The following ALDH1L1 variants were observed in gnomAD, a reference collection of about 807,000 sequenced individuals.
The protein encoded by ALDH1L1 is aldehyde dehydrogenase 1 family member L1, also known as cytosolic 10-formyltetrahydrofolate dehydrogenase.
ALDH1L1 carries 68 observed loss-of-function variants against 101.1 expected under a neutral mutation model. The ratio of observed to expected loss-of-function variants is 0.67; its 90% CI spans 0.55 to 0.82. The LOEUF (loss-of-function observed/expected upper bound fraction) is 0.82, where lower values mean the gene tolerates loss of function less well. Ranked by LOEUF, ALDH1L1 falls within the 40% of genes least tolerant of loss-of-function variation. The pLI is 0.00. For missense variants in ALDH1L1, 1,087 were observed against 1,172.7 expected (o/e 0.93, Z 1.07); for synonymous variants, 486 against 470.8 (o/e 1.03, Z -0.42).
chr3:126,150,167 T>C (rs2080779693), intron 8 of ALDH1L1, among the ~76,000 whole-genome samples: 1 of 152,176 alleles, frequency 6.6e-6, no homozygotes, highest in Non-Finnish European at 1.5e-5. Flanking sequence ...GTGTTGACAA[T>C]GAGCCCCTAG....
intron 22 of ALDH1L1, chr3:126,105,495 G>A (rs1264508031): frequency 1.8e-6 from 1 of 569,486 alleles, no homozygotes; most frequent in Non-Finnish European, 3.2e-6. Flanking sequence ...CCTGGCTGGA[G>A]TGTCTCCTCC....
chr3:126,106,029 C>T (rs773003853), intron 21 of ALDH1L1, 104 bp from the exon 22 acceptor site: 13 of 1,212,120 alleles, frequency 1.1e-5, no homozygotes, highest in Non-Finnish European at 1.5e-5. Context: ...TAAGACCTTC[C>T]GAGGAGAAAA....
rs530057896 is a variant in ALDH1L1, at chr3:126,105,829, A to G, written c.2550T>C (p.Ser850=). ...TRDINKALYV[S]DKLQAGTVFV... ...ACACAGTGCCTGCCTGGAGCTTGTC[A>G]CTGACATACAGGGCCTTGTTGATGT... is the stretch of plus-strand genomic sequence containing the variant. The change falls in exon 22 of 23, where the codon AGT becomes AGC. Residue 850 remains serine (S), a synonymous_variant. Transcript: ENST00000393434. 8.7e-6 allele frequency: 14 copies of G among 1,614,200 alleles called. No individual in the cohort carries two copies. The South Asian group carries it at 1.5e-4, about 18-fold the overall frequency.
At position 126,154,792 on chromosome 3, in the gene ALDH1L1, C is replaced by A. The variant is rs753361785; in HGVS notation, c.631-149G>T. On this transcript the variant is annotated intron_variant, in intron 5 of 22. Transcript: ENST00000393434. ...CTTGCAGGAGTCCCTGAGCTGGTGC[C>A]CCTAGTTCTGGGTGCTCTCTGACCC... The A allele has an allele frequency of 5.9e-6, 4 of 675,500 alleles. No individual in the cohort carries two copies. In the Admixed American group the frequency reaches 7.2e-5, roughly 12 times the overall value. The allele number at this position is 675,500 out of a possible 1,614,324, so 41.8% of individuals were successfully genotyped here. A position where few individuals can be genotyped will look rare whatever the true frequency, so the allele number is the denominator to read the frequency against.
chr3:126,148,089 C>A (rs537442597), intron 8 of ALDH1L1, among the ~76,000 whole-genome samples: 1 of 152,310 alleles, frequency 6.6e-6, no homozygotes, highest in East Asian at 1.9e-4. Flanking sequence ...CAGTTGTCCC[C>A]TACTGGATGG....
At chr3:126,193,458 C>T (rs1055477793) in intron 1 of ALDH1L1, among the ~76,000 whole-genome samples, 3 of 152,052 alleles carry the variant, frequency 2.0e-5, no homozygotes, top group Admixed American at 2.0e-4. Context: ...TAAAAAAATC[C>T]CCCTTTTTGC....
chr3:126,158,610 C>A lies in ALDH1L1; in HGVS notation c.157G>T (p.Val53Leu), dbSNP rs921718364. The A allele has an allele frequency of 6.2e-7, 1 of 1,613,542 alleles. No homozygotes were observed. The highest frequency in any genetic ancestry group is 8.5e-7 in the Non-Finnish European group (1 of 1,179,460). Residue 53 changes from valine to leucine, a missense_variant, in exon 3 of 23, where the codon GTA becomes TTA. Val to Leu is a conservative substitution (Grantham distance 32). Around this residue, in one of 2 missense-constraint regions of ALDH1L1, gnomAD observed 645 missense variants for 637.0 expected, o/e 1.01. Transcript: ENST00000393434. ...GLEAEKDGVP[V>L]FKYSRWRAKG... The stretch of plus-strand genomic sequence containing the variant: ...GCACGCCACCGGGAGTACTTGAATA[C>A]CGGCACTCCATCCTTCTCAGCTTCC...
chr3:126,112,942 T>A, intron 18 of ALDH1L1, 62 bp from the exon 19 acceptor site: 2 of 1,502,494 alleles, frequency 1.3e-6, no homozygotes, highest in Non-Finnish European at 1.8e-6. Flanking sequence ...CCCCCGGCTC[T>A]GCCAGGGCCC....
Position 126,153,558 on chromosome 3 carries a change from C to T in ALDH1L1, c.744G>A (p.Thr248=), listed in dbSNP as rs575496620. 7 of 1,612,706 alleles carry T rather than the reference C, an allele frequency of 4.3e-6. No homozygotes were observed. In the East Asian group the frequency reaches 8.9e-5, roughly 21 times the overall value. Residue 248 remains threonine, a synonymous_variant, in exon 7 of 23, where the codon ACG becomes ACA. Coordinates refer to ENST00000393434, the MANE Select transcript of ALDH1L1 (RefSeq NM_012190.4). ...CGGGCACCAGGCCTGAAGTGTTCAG[C>T]GTTGAGTTGAAAAATGTCAGTTTCT... ...CEQKLTFFNS[T]LNTSGLVPEG... is the part of the protein sequence containing the mutation.
At position 126,164,792 on chromosome 3, in the gene ALDH1L1, C is replaced by T. The variant is rs1015511964; in HGVS notation, c.-23-3790G>A. 2.3e-4 allele frequency among the ~76,000 whole-genome samples: 35 copies of T among 152,180 alleles called. 1 individual carries two copies. Among genetic ancestry groups the T allele is most frequent in the African/African-American group, 8.4e-4 (35 of 41,452 alleles). On this transcript the variant is annotated intron_variant, in intron 1 of 22. Transcript: ENST00000393434. ...CTAAGTTCTTTAAGAAATCTCTAAA[C>T]TTTTCTTTAAGAAACTTCCACAGTG...
intron 8 of ALDH1L1, among the ~76,000 whole-genome samples, chr3:126,148,763 T>A (rs879582044): frequency 1.3e-5 from 2 of 152,204 alleles, no homozygotes; most frequent in African/African-American, 2.4e-5. Context: ...TCTGGAACTC[T>A]GAATGTGCAC....
chr3:126,190,376 T>C (rs2081545161), intron 1 of ALDH1L1, among the ~76,000 whole-genome samples: 1 of 152,216 alleles, frequency 6.6e-6, no homozygotes, highest in Non-Finnish European at 1.5e-5. Flanking sequence ...ATATTTTTCG[T>C]AATTTGGATC....
At chr3:126,121,305 A>G (rs544958319) in intron 16 of ALDH1L1, among the ~76,000 whole-genome samples, 1 of 152,322 alleles carries the variant, frequency 6.6e-6, no homozygotes, top group South Asian at 2.1e-4. Context: ...CTCGGTTTGC[A>G]GTGCTTGGTG....
intron 1 of ALDH1L1, among the ~76,000 whole-genome samples, chr3:126,177,370 AATG>A (rs1310972589): frequency 6.6e-6 from 1 of 152,194 alleles, no homozygotes; most frequent in East Asian, 1.9e-4. Flanking sequence ...AATATTAGTC[AATG>A]ATAAAAAGAA....
rs773020720 is a variant in ALDH1L1 at position 126,107,163 on chromosome 3, T to C, written c.2431A>G (p.Ile811Val). ...AKEESFGPVMIISRFADGDLD... is the reference protein window; with the variant it reads ...AKEESFGPVMVISRFADGDLD... ...TACCCATCAGCAAACCGAGAGATGA[T>C]CATGACAGGCCCGAAGGACTCCTCC... Residue 811 changes from isoleucine to valine, a missense_variant, in exon 21 of 23, where the codon ATC (isoleucine) becomes GTC (valine). Coordinates refer to ENST00000393434, the MANE Select transcript of ALDH1L1 (RefSeq NM_012190.4). 6.2e-7 allele frequency: 1 copy of C among 1,614,132 alleles called. No homozygotes were observed. Among genetic ancestry groups the C allele is most frequent in the East Asian group, 2.2e-5 (1 of 44,880 alleles).
At chr3:126,136,105 CCTGT>C (rs779713632) in intron 11 of ALDH1L1, among the ~76,000 whole-genome samples, 6 of 152,340 alleles carry the variant, frequency 3.9e-5, no homozygotes, top group Middle Eastern at 3.4e-3. Flanking sequence ...ACCGCACTGT[CCTGT>C]CTGTGTCCCT....
chr3:126,140,487 C>A (rs982213583), intron 9 of ALDH1L1, among the ~76,000 whole-genome samples: 1 of 152,092 alleles, frequency 6.6e-6, no homozygotes, highest in Non-Finnish European at 1.5e-5. Context: ...AAGGCCACTA[C>A]ATAGGTAAGT....
At chr3:126,177,702 A>G (rs1418060205) in intron 1 of ALDH1L1, among the ~76,000 whole-genome samples, 1 of 152,202 alleles carries the variant, frequency 6.6e-6, no homozygotes, top group African/African-American at 2.4e-5. Context: ...AATGTAAATT[A>G]TGGACTTTCA....
chr3:126,119,280 C>T (rs2080034707), intron 16 of ALDH1L1, among the ~76,000 whole-genome samples: 1 of 152,216 alleles, frequency 6.6e-6, no homozygotes, highest in Non-Finnish European at 1.5e-5. Context: ...TTGGTCACTC[C>T]TCTGCCTGCT....
Sources: allele counts gnomAD v4.1 joint callset (sites outside exome capture counted in the v4.1 genomes callset), GRCh38; gene constraint gnomAD v4.1.1; regional missense constraint gnomAD v4.1.1; transcripts MANE v1.5; gene names NCBI Gene and HGNC (gene_info 2026-07-23, HGNC 2026-07-21).